Variants in PCDHA6 observed in about 807,000 individuals in gnomAD.
PCDHA6 encodes protocadherin alpha 6, also known as protocadherin alpha-6.
In PCDHA6, 55 loss-of-function variants were observed where a neutral mutation model predicts 60.3. The ratio of observed to expected loss-of-function variants is 0.91; its 90% confidence interval spans 0.73 to 1.14. PCDHA6 has a LOEUF of 1.14. Ranked by LOEUF, PCDHA6 falls within the 50% of genes most tolerant of loss-of-function variation. The pLI is 0.00. For missense variants in PCDHA6, 1,327 were observed against 1,256.5 expected (o/e 1.06, Z -0.85); for synonymous variants, 652 against 557.9 (o/e 1.17, Z -2.38).
At chr5:140,972,228 C>G (rs1295473743) in intron 1 of PCDHA6, among the ~76,000 whole-genome samples, 1 of 151,964 alleles carries the variant, frequency 6.6e-6, no homozygotes, top group Admixed American at 6.5e-5. Flanking sequence ...CAGCCTCGAC[C>G]TTCTGGGCTC....
rs141558342 is a variant in PCDHA6 at position 140,862,206 on chromosome 5, T to G, written c.2394+31721T>G. The G allele has an allele frequency of 1.6e-3, 319 of 195,694 alleles. 1 individual carries two copies. The highest frequency in any genetic ancestry group is 7.0e-3 in the African/African-American group (300 of 43,022). 12.1% of individuals were successfully genotyped at this position (195,694 alleles called of 1,614,324 possible). A position where few individuals can be genotyped will look rare whatever the true frequency, so the allele number is the denominator to read the frequency against. On this transcript the variant is annotated intron_variant, in intron 1 of 3. Transcript: ENST00000529310. ...AGGCAATTCCCCAATGTTTGATCAC[T>G]GCACAGACTTGATAGAAGTCTTGGA...
At chr5:140,940,080 T>C (rs1213223425) in intron 1 of PCDHA6, among the ~76,000 whole-genome samples, 3 of 152,248 alleles carry the variant, frequency 2.0e-5, no homozygotes, top group African/African-American at 7.2e-5. Flanking sequence ...GATATCTTTC[T>C]GCTAAATTGA....
At chr5:140,927,754 C>T (rs1554205003) in intron 1 of PCDHA6, 1 of 1,614,030 alleles carries the variant, frequency 6.2e-7, no homozygotes, top group African/African-American at 1.3e-5. Flanking sequence ...TCACGTGCAC[C>T]CTAAAAGTGG....
chr5:140,828,715 C>A lies in PCDHA6; in HGVS notation c.624C>A (p.His208Gln), dbSNP rs1301928417. The A allele has an allele frequency of 1.2e-6, 2 of 1,614,156 alleles. No homozygotes were observed. The highest frequency in any genetic ancestry group is 1.7e-6 in the Non-Finnish European group (2 of 1,180,058). ...KSLDREEAPA[H>Q]NLFLTATDGG... ...TGGACAGAGAGGAAGCTCCTGCACA[C>A]AACTTATTCCTGACAGCCACAGATG... Residue 208 changes from histidine to glutamine, a missense_variant, in exon 1 of 4, where the codon CAC (histidine) becomes CAA (glutamine). Physicochemically the swap from His to Gln is conservative, Grantham distance 24. Transcript: ENST00000529310.
At chr5:140,877,189 G>A in intron 1 of PCDHA6, 1 of 1,613,808 alleles carries the variant, frequency 6.2e-7, no homozygotes, top group Non-Finnish European at 8.5e-7. Flanking sequence ...GGCTGGCAGC[G>A]CAGGAGGCGC....
chr5:140,946,980 T>G (rs757011315), intron 1 of PCDHA6, among the ~76,000 whole-genome samples: 4 of 151,702 alleles, frequency 2.6e-5, no homozygotes, highest in Non-Finnish European at 5.9e-5. Context: ...AATAGAGGAT[T>G]TTGAGTGTTC....
chr5:140,840,974 G>T (rs1202525007), intron 1 of PCDHA6, among the ~76,000 whole-genome samples: 1 of 152,020 alleles, frequency 6.6e-6, no homozygotes, highest in Non-Finnish European at 1.5e-5. Flanking sequence ...TTATGAAGAA[G>T]AAATCCCTAG....
At chr5:140,980,607 C>T (rs1471918192) in intron 2 of PCDHA6, among the ~76,000 whole-genome samples, 5 of 151,334 alleles carry the variant, frequency 3.3e-5, no homozygotes, top group Non-Finnish European at 7.4e-5. Context: ...TCCAGCCTGG[C>T]GACAGTGCGA....
In PCDHA6 at chr5:141,010,450, G is replaced by T; in HGVS notation, c.*513G>T. 7.6e-6 allele frequency: 7 copies of T among 920,886 alleles called. No homozygotes were observed. The South Asian group carries it at 1.3e-4, about 17-fold the overall frequency. The allele number at this position is 920,886 out of a possible 1,614,324, so 57.0% of individuals were successfully genotyped here. A position where few individuals can be genotyped will look rare whatever the true frequency, so the allele number is the denominator to read the frequency against. ...AAGAAAACAAAGACAAATAAACAGC[G>T]GAAGTTATCAGTATGGAGGGGAAGT... is the stretch of plus-strand genomic sequence containing the variant. On this transcript the variant is annotated 3_prime_UTR_variant, in exon 4 of 4. Transcript: ENST00000529310.
At chr5:141,004,857 A>C (rs987029522) in intron 3 of PCDHA6, among the ~76,000 whole-genome samples, 2 of 152,150 alleles carry the variant, frequency 1.3e-5, no homozygotes, top group African/African-American at 4.8e-5. Context: ...TCAGAGAAAA[A>C]ATTTGTTTCT....
Position 140,842,387 on chromosome 5 carries a change from T to G in PCDHA6, c.2394+11902T>G, listed in dbSNP as rs2150335066. Reference sequence around the variant, plus strand: ...CCCTGAGATAGCACTGACTTCCTTATCCTTGCCTGTACGTGAAGACGCTCA... The same window carrying G: ...CCCTGAGATAGCACTGACTTCCTTAGCCTTGCCTGTACGTGAAGACGCTCA... On this transcript the variant is annotated intron_variant, in intron 1 of 3. Transcript: ENST00000529310. 4.3e-6 allele frequency: 7 copies of G among 1,611,016 alleles called. No individual in the cohort carries two copies. In the East Asian group the frequency reaches 1.6e-4, roughly 36 times the overall value.
intron 1 of PCDHA6, among the ~76,000 whole-genome samples, chr5:140,903,175 A>G (rs1554190800): frequency 1.3e-5 from 2 of 152,170 alleles, no homozygotes; most frequent in Non-Finnish European, 2.9e-5. Context: ...TTACATTCCC[A>G]CCAATAGTAT....
chr5:140,952,442 A>G (rs1431756877), intron 1 of PCDHA6, among the ~76,000 whole-genome samples: 1 of 152,178 alleles, frequency 6.6e-6, no homozygotes, highest in African/African-American at 2.4e-5. Context: ...CAGGCATAAT[A>G]CAGCCAGGCT....
chr5:140,849,893 G>A, intron 1 of PCDHA6: 1 of 1,598,550 alleles, frequency 6.3e-7, no homozygotes, highest in Non-Finnish European at 8.6e-7. Context: ...TCGTGAAGGA[G>A]AACAACCCGC....
chr5:140,902,953 C>G (rs549407032), intron 1 of PCDHA6, among the ~76,000 whole-genome samples: 1 of 152,162 alleles, frequency 6.6e-6, no homozygotes, highest in East Asian at 1.9e-4. Context: ...TCTTTATCCA[C>G]TTGTTGGCTG....
intron 1 of PCDHA6, among the ~76,000 whole-genome samples, chr5:140,894,543 T>C (rs782418710): frequency 2.6e-5 from 4 of 152,088 alleles, no homozygotes; most frequent in Non-Finnish European, 4.4e-5. Flanking sequence ...TCTGGTTTAG[T>C]GTTTACTTCT....
chr5:140,848,485 G>C (rs1386369016), intron 1 of PCDHA6: 1 of 1,573,026 alleles, frequency 6.4e-7, no homozygotes, highest in Non-Finnish European at 8.7e-7. Flanking sequence ...GAAGAAGACT[G>C]AGTATTTGAA....
Position 140,882,762 on chromosome 5 carries a change from A to G in PCDHA6, c.2394+52277A>G, listed in dbSNP as rs2059298878. 1.9e-6 allele frequency: 3 copies of G among 1,614,200 alleles called. No individual in the cohort carries two copies. The East Asian group carries it at 6.7e-5, about 36-fold the overall frequency. On this transcript the variant is annotated intron_variant, in intron 1 of 3. Transcript: ENST00000529310. ...GCATCCGATGCAGATATTGGAGTAA[A>G]CTCGGCATTGACCTACCGACTGGAT... is the stretch of plus-strand genomic sequence containing the variant.
chr5:140,967,901 A>T, intron 1 of PCDHA6: 2 of 1,614,142 alleles, frequency 1.2e-6, no homozygotes, highest in African/African-American at 1.3e-5. Context: ...TGAGAATGCT[A>T]CACCCAACAC....
Sources: gnomAD v4.1 joint callset for allele counts (sites outside exome capture counted in the v4.1 genomes callset) on GRCh38, gnomAD v4.1.1 for gene constraint, MANE v1.5 for transcripts, NCBI Gene and HGNC (gene_info 2026-07-23, HGNC 2026-07-21) for gene names.